Variants in LRRC4C observed in about 807,000 individuals in gnomAD.
LRRC4C encodes leucine rich repeat containing 4C, also known as leucine-rich repeat-containing protein 4C.
LRRC4C carries 5 observed loss-of-function variants against 33.6 expected under a neutral mutation model. The ratio of observed to expected loss-of-function variants is 0.15; its 90% confidence interval spans 0.08 to 0.31. The LOEUF (loss-of-function observed/expected upper bound fraction) is 0.31. Ranked by LOEUF, LRRC4C falls within the 10% of genes least tolerant of loss-of-function variation. The pLI is 1.00. For missense variants in LRRC4C, 560 were observed against 796.7 expected (o/e 0.70, Z 3.58); for synonymous variants, 329 against 302.0 (o/e 1.09, Z -0.93).
chr11:40,558,740 GT>G (rs1252724744), intron 3 of LRRC4C, among the ~76,000 whole-genome samples: 6 of 152,008 alleles, frequency 3.9e-5, no homozygotes, highest in African/African-American at 9.7e-5. Flanking sequence ...AAATGTGAAG[GT>G]TTTTTTCTTA....
At chr11:41,250,461 A>G (rs1457932938) in intron 1 of LRRC4C, among the ~76,000 whole-genome samples, 2 of 152,190 alleles carry the variant, frequency 1.3e-5, no homozygotes, top group Non-Finnish European at 2.9e-5. Flanking sequence ...AAGGTCATAG[A>G]TATTTGAAAT....
At chr11:41,458,175 A>G (rs1956229192) in intron 1 of LRRC4C, among the ~76,000 whole-genome samples, 1 of 152,086 alleles carries the variant, frequency 6.6e-6, no homozygotes, top group Non-Finnish European at 1.5e-5. Context: ...TCACTTAGGT[A>G]TGCTCTTCTC....
intron 4 of LRRC4C, among the ~76,000 whole-genome samples, chr11:40,250,812 C>T (rs1866732260): frequency 6.6e-6 from 1 of 152,022 alleles, no homozygotes; most frequent in African/African-American, 2.4e-5. Flanking sequence ...TCTGACATTC[C>T]TTATTTCTGT....
chr11:40,324,851 G>C (rs1040668334), intron 3 of LRRC4C, among the ~76,000 whole-genome samples: 2 of 152,186 alleles, frequency 1.3e-5, no homozygotes, highest in African/African-American at 4.8e-5. Context: ...TCAAATCCCA[G>C]CTCTGCCATT....
rs924340198 is a variant in LRRC4C at position 40,711,648 on chromosome 11, A to G, written c.-406-63370T>C. Among the ~76,000 whole-genome samples, 16 of 152,038 alleles carry G rather than the reference A, an allele frequency of 1.1e-4. No homozygotes were observed. In the East Asian group the frequency reaches 3.1e-3, roughly 29 times the overall value. ...TTTGTACTAGTTTGCTTGATAGTAG[A>G]TAGACATGACCTGAATAAAGAACCA... On this transcript the variant is annotated intron_variant, in intron 2 of 6. Transcript: ENST00000528697.
At chr11:40,501,795 T>C (rs534179144) in intron 3 of LRRC4C, among the ~76,000 whole-genome samples, 1 of 152,332 alleles carries the variant, frequency 6.6e-6, no homozygotes, top group South Asian at 2.1e-4. Flanking sequence ...GTCTTGGTGA[T>C]TAACACTCGT....
chr11:41,448,464 C>T (rs113151882), intron 1 of LRRC4C, among the ~76,000 whole-genome samples: 11 of 151,846 alleles, frequency 7.2e-5, no homozygotes, highest in Admixed American at 5.9e-4. Context: ...TGCCACCATG[C>T]CTGGCTAATT....
intron 6 of LRRC4C, among the ~76,000 whole-genome samples, chr11:40,127,180 G>A (rs1856309300): frequency 1.3e-5 from 2 of 152,082 alleles, no homozygotes; most frequent in Admixed American, 6.6e-5. Context: ...CGGAGGCTGA[G>A]GCAGGAAAAT....
chr11:40,860,776 T>C (rs1277263772), intron 2 of LRRC4C, among the ~76,000 whole-genome samples: 1 of 78,578 alleles, frequency 1.3e-5, no homozygotes, highest in Admixed American at 1.9e-4. Flanking sequence ...GGGCTTAGGA[T>C]CTTTTTTTTT....
intron 1 of LRRC4C, among the ~76,000 whole-genome samples, chr11:41,013,850 G>A (rs1040753720): frequency 6.6e-6 from 1 of 152,194 alleles, no homozygotes; most frequent in Admixed American, 6.5e-5. Context: ...TTACACTCAT[G>A]TTGGAAGGTG....
At chr11:40,239,175 C>A (rs1865769918) in intron 5 of LRRC4C, among the ~76,000 whole-genome samples, 2 of 152,168 alleles carry the variant, frequency 1.3e-5, no homozygotes, top group Admixed American at 6.6e-5. Context: ...GTCTTCCTAA[C>A]TCCCCAGCAG....
At chr11:40,473,865 G>C (rs537282316) in intron 3 of LRRC4C, among the ~76,000 whole-genome samples, 1 of 151,952 alleles carries the variant, frequency 6.6e-6, no homozygotes, top group African/African-American at 2.4e-5. Flanking sequence ...GCTACAAAGC[G>C]AATAAAATAC....
chr11:41,251,414 A>G (rs1462073195), intron 1 of LRRC4C, among the ~76,000 whole-genome samples: 1 of 152,134 alleles, frequency 6.6e-6, no homozygotes, highest in Non-Finnish European at 1.5e-5. Context: ...GCGTCTTCCT[A>G]CTTGTTTAGT....
At chr11:40,547,959 C>G (rs1354658242) in intron 3 of LRRC4C, among the ~76,000 whole-genome samples, 1 of 152,092 alleles carries the variant, frequency 6.6e-6, no homozygotes, top group Non-Finnish European at 1.5e-5. Flanking sequence ...GACCAACGCT[C>G]TATTCCCATA....
At chr11:41,170,238 G>T (rs959397561) in intron 1 of LRRC4C, among the ~76,000 whole-genome samples, 1 of 152,068 alleles carries the variant, frequency 6.6e-6, no homozygotes, top group African/African-American at 2.4e-5. Context: ...TTTCTTCACA[G>T]AATTGGAAAA....
At chr11:41,114,306 AT>A (rs1200990475) in intron 1 of LRRC4C, among the ~76,000 whole-genome samples, 3 of 152,086 alleles carry the variant, frequency 2.0e-5, no homozygotes, top group African/African-American at 7.2e-5. Flanking sequence ...AAATTCTAGA[AT>A]TCCAGACAGC....
intron 3 of LRRC4C, among the ~76,000 whole-genome samples, chr11:40,348,272 T>TAAAATTTGTTA: frequency 6.8e-6 from 1 of 146,352 alleles, no homozygotes; most frequent in East Asian, 2.0e-4. Flanking sequence ...TTCAATTTGT[T>TAAAATTTGTTA]AAAAAAAAAA....
intron 1 of LRRC4C, among the ~76,000 whole-genome samples, chr11:41,187,629 C>G (rs2136192502): frequency 6.6e-6 from 1 of 152,302 alleles, no homozygotes; most frequent in East Asian, 1.9e-4. Context: ...AGGTAAGAAC[C>G]CTGGGATACA....
intron 3 of LRRC4C, among the ~76,000 whole-genome samples, chr11:40,352,510 G>C (rs1947458561): frequency 6.6e-6 from 1 of 151,914 alleles, no homozygotes; most frequent in East Asian, 1.9e-4. Flanking sequence ...TGCACAATGT[G>C]CAGGTTAGTT....
Sources: gnomAD v4.1 joint callset for allele counts (sites outside exome capture counted in the v4.1 genomes callset) on GRCh38, gnomAD v4.1.1 for gene constraint, MANE v1.5 for transcripts, NCBI Gene and HGNC (gene_info 2026-07-23, HGNC 2026-07-21) for gene names.